SKOR2: variants seen among roughly 807,000 people sequenced by gnomAD.
SKOR2 encodes SKI family transcriptional corepressor 2, also known as LBX1 corepressor 1-like protein.
Under a neutral mutation model 69.1 loss-of-function variants are expected in SKOR2, and 47 were observed. The observed-to-expected ratio is 0.68, with a 90% CI of 0.54 to 0.87. SKOR2 has a LOEUF of 0.87. Among genes scored for constraint, SKOR2 ranks in the 40% least tolerant of loss-of-function variants. SKOR2 has a pLI of 0.00. For missense variants in SKOR2, 1,404 were observed against 1,472.2 expected (o/e 0.95, Z 0.76); for synonymous variants, 717 against 672.6 (o/e 1.07, Z -1.02).
chr18:47,231,838 C>T (rs1233112470), intron 4 of SKOR2, among the ~76,000 whole-genome samples: 2 of 112,598 alleles, frequency 1.8e-5, no homozygotes, highest in African/African-American at 6.5e-5. Flanking sequence ...AGCGAAACTC[C>T]ATCTCAAAAA....
intron 4 of SKOR2, among the ~76,000 whole-genome samples, chr18:47,236,024 AC>A (rs1205967315): frequency 6.6e-6 from 1 of 152,100 alleles, no homozygotes; most frequent in Non-Finnish European, 1.5e-5. Context: ...TCGCTCTGCC[AC>A]CCAGGCTGGA....
chr18:47,224,635 G>A (rs2064172594), intron 6 of SKOR2, among the ~76,000 whole-genome samples: 1 of 145,174 alleles, frequency 6.9e-6, no homozygotes, highest in African/African-American at 2.6e-5. Flanking sequence ...TTTTTTTTGA[G>A]ACAGGGTCTT....
chr18:47,231,174 G>C, intron 4 of SKOR2, 174 bp from the exon 5 acceptor site: 2 of 1,535,954 alleles, frequency 1.3e-6, no homozygotes, highest in East Asian at 2.4e-5. Context: ...CCTGAAACAC[G>C]GAGGGGAGGT....
chr18:47,237,361 G>C (rs1014896116), intron 4 of SKOR2, among the ~76,000 whole-genome samples: 1 of 152,146 alleles, frequency 6.6e-6, no homozygotes, highest in Non-Finnish European at 1.5e-5. Context: ...ATTAATTAGC[G>C]TATATGTCTA....
At chr18:47,230,640 T>G in intron 5 of SKOR2, 83 bp from the exon 6 acceptor site, 1 of 896,026 alleles carries the variant, frequency 1.1e-6, no homozygotes, top group Admixed American at 3.5e-5. Flanking sequence ...TTTATTATTA[T>G]AAGACAAAAT....
rs75475550 is a variant in SKOR2 at position 47,230,519 on chromosome 18, G to C, written c.2857C>G (p.Arg953Gly). Reference sequence around the variant, plus strand: ...TGGAATTCTTGTTCCAGTCGTCTCCGTAAATCTATTTGTTCAAATAAAACC... The same window carrying C: ...TGGAATTCTTGTTCCAGTCGTCTCCCTAAATCTATTTGTTCAAATAAAACC... The part of the protein sequence containing the change: ...QKVLFEQIDL[R>G]RRLEQEFQVL... The change falls in exon 6 of 9, where the codon CGG (arginine) becomes GGG (glycine). Residue 953 changes from arginine to glycine, a missense_variant. Around this residue, in one of 3 missense-constraint regions of SKOR2, gnomAD observed 1,266 missense variants for 1,309.9 expected, o/e 0.97. Transcript: ENST00000425639. The C allele has an allele frequency of 2.1e-6, 3 of 1,439,816 alleles. No homozygotes were observed. The highest frequency in any genetic ancestry group is 5.2e-5 in the East Asian group (2 of 38,110). The allele number at this position is 1,439,816 out of a possible 1,614,324, so 89.2% of individuals were successfully genotyped here. A position where few individuals can be genotyped will look rare whatever the true frequency, so the allele number is the denominator to read the frequency against.
Position 47,245,495 on chromosome 18 carries a change from T to TTTTTTTTTTTTAA in SKOR2, c.2677+2_2677+3insTTAAAAAAAAAAA. On this transcript the variant is annotated splice_region_variant and intron_variant, in intron 3 of 8. Transcript: ENST00000425639. Reference sequence around the variant, plus strand: ...GGCAGCTGATTTTTTTTTTTTTTTTTACCTGAAAAGCTGTTGTCATCCTTT... The same window carrying TTTTTTTTTTTTAA: ...GGCAGCTGATTTTTTTTTTTTTTTTTTTTTTTTTTTTAAACCTGAAAAGCTGTTGTCATCCTTT... The TTTTTTTTTTTTAA allele has an allele frequency of 2.7e-6, 4 of 1,470,334 alleles. No homozygotes were observed. The highest frequency in any genetic ancestry group is 3.6e-6 in the Non-Finnish European group (4 of 1,116,546). 91.1% of individuals were successfully genotyped at this position (1,470,334 alleles called of 1,614,324 possible).
At chr18:47,232,571 CTG>C (rs2064203772) in intron 4 of SKOR2, among the ~76,000 whole-genome samples, 1 of 152,242 alleles carries the variant, frequency 6.6e-6, no homozygotes, top group South Asian at 2.1e-4. Context: ...CATCCCTCCT[CTG>C]TGTCCCCAGA....
intron 4 of SKOR2, among the ~76,000 whole-genome samples, chr18:47,232,118 G>A (rs996820554): frequency 2.6e-5 from 4 of 151,886 alleles, no homozygotes; most frequent in African/African-American, 9.7e-5. Flanking sequence ...CAGCCTGGGT[G>A]ACCCTGTCTC....
intron 4 of SKOR2, among the ~76,000 whole-genome samples, chr18:47,232,761 C>T (rs898818663): frequency 6.6e-6 from 1 of 152,184 alleles, no homozygotes; most frequent in Non-Finnish European, 1.5e-5. Flanking sequence ...CCCAGGAGGT[C>T]GTAAATTCTA....
Position 47,247,687 on chromosome 18 carries a change from T to C in SKOR2, c.1497A>G (p.Leu499=). ...GGCGCAGCAGGGCCGGGCTTTCGCCTAGCGCGCAGCCTAGCGCCGAGGGCG... is the reference window on the plus strand; with the variant it reads ...GGCGCAGCAGGGCCGGGCTTTCGCCCAGCGCGCAGCCTAGCGCCGAGGGCG... ...PQPPSALGCA[L]GESPALLRQA... Residue 499 remains leucine, a synonymous_variant, in exon 2 of 9, where the codon CTA becomes CTG. Transcript: ENST00000425639. The surrounding 1 kb of genome is among the most constrained non-coding windows in gnomAD (Gnocchi z 6.6). 1.5e-6 allele frequency: 2 copies of C among 1,370,690 alleles called. No individual in the cohort carries two copies. Among genetic ancestry groups the C allele is most frequent in the Non-Finnish European group, 1.9e-6 (2 of 1,067,736 alleles). 84.9% of individuals were successfully genotyped at this position (1,370,690 alleles called of 1,614,324 possible). A position where few individuals can be genotyped will look rare whatever the true frequency, so the allele number is the denominator to read the frequency against.
intron 1 of SKOR2, among the ~76,000 whole-genome samples, chr18:47,250,357 T>A (rs2064306954): frequency 6.6e-6 from 1 of 152,084 alleles, no homozygotes; most frequent in Non-Finnish European, 1.5e-5. Context: ...ATTCAGTAAG[T>A]TGAAAATACA....
At chr18:47,216,496 G>A (rs1767713820) in intron 7 of SKOR2, among the ~76,000 whole-genome samples, 1 of 152,094 alleles carries the variant, frequency 6.6e-6, no homozygotes, top group African/African-American at 2.4e-5. Context: ...AAGACACAAA[G>A]AGAGTCAATC....
chr18:47,238,988 A>T lies in SKOR2; in HGVS notation c.2752+5920T>A, dbSNP rs577611128. Among the ~76,000 whole-genome samples the T allele has an allele frequency of 2.4e-4, 37 of 152,310 alleles. 2 individuals are homozygous for T. The South Asian group carries it at 7.3e-3, about 30-fold the overall frequency. ...ATGTTTAACTTCCAAATAAACTCTG[A>T]ATTTTAAAATTGATCTTAGTCTTAT... On this transcript the variant is annotated intron_variant, in intron 4 of 8. Transcript: ENST00000425639.
At position 47,247,904 on chromosome 18, in the gene SKOR2, G is replaced by T. The variant is rs2064288949; in HGVS notation, c.1280C>A (p.Ala427Glu). ...CCCCAGGGCCTCAGCGGCGGCACCC[G>T]CATCCTCTTTCTTATGGCACAAGCT... ...AFSLCHKKED[A>E]GAAAEALGGA... Residue 427 changes from alanine (A) to glutamate (E), a missense_variant, in exon 2 of 9, where the codon GCG (alanine) becomes GAG (glutamate). Ala to Glu is a moderately radical substitution (Grantham distance 107, BLOSUM62 -1). Coordinates refer to ENST00000425639, the MANE Select transcript of SKOR2 (RefSeq NM_001278063.4). The surrounding 1 kb of genome is among the most constrained non-coding windows in gnomAD (Gnocchi z 6.6). The T allele has an allele frequency of 2.2e-6, 3 of 1,363,934 alleles. No individual in the cohort carries two copies. The highest frequency in any genetic ancestry group is 7.4e-5 in the Admixed American group (2 of 27,076). The allele number at this position is 1,363,934 out of a possible 1,614,324, so 84.5% of individuals were successfully genotyped here. A position where few individuals can be genotyped will look rare whatever the true frequency, so the allele number is the denominator to read the frequency against.
chr18:47,248,394 C>A lies in SKOR2; in HGVS notation c.790G>T (p.Val264Leu), dbSNP rs1301150705. The A allele has an allele frequency of 2.2e-6, 3 of 1,346,978 alleles. No homozygotes were observed. The highest frequency in any genetic ancestry group is 2.8e-6 in the Non-Finnish European group (3 of 1,059,820). The allele number at this position is 1,346,978 out of a possible 1,614,324, so 83.4% of individuals were successfully genotyped here. Residue 264 changes from valine to leucine, a missense_variant, in exon 2 of 9, where the codon GTG becomes TTG. By Grantham distance (32) the Val-to-Leu change is conservative. Around this residue, in one of 3 missense-constraint regions of SKOR2, gnomAD observed 1,266 missense variants for 1,309.9 expected, o/e 0.97. Transcript: ENST00000425639. The surrounding 1 kb of genome is among the most constrained non-coding windows in gnomAD (Gnocchi z 6.4). ...CCGGCCACCGCGGCCGCGGCGGCCA[C>A]GGCGGCCGCCTTCACAGAGCTGAGC... ...HPLSSVKAAA[V>L]AAAAAVAGGG... is the part of the protein sequence containing the mutation.
At chr18:47,224,562 T>C (rs2064172349) in intron 6 of SKOR2, among the ~76,000 whole-genome samples, 1 of 151,896 alleles carries the variant, frequency 6.6e-6, no homozygotes, top group Non-Finnish European at 1.5e-5. Context: ...GGCTTTGGGG[T>C]TCAATTTGTT....
intron 4 of SKOR2, among the ~76,000 whole-genome samples, chr18:47,237,456 C>T (rs543369164): frequency 4.3e-4 from 66 of 152,240 alleles, no homozygotes; most frequent in South Asian, 1.2e-3. Context: ...GTGACCTGTT[C>T]CGTTGGTGGA....
chr18:47,229,341 A>G (rs2064189103), intron 6 of SKOR2, among the ~76,000 whole-genome samples: 8 of 152,148 alleles, frequency 5.3e-5, no homozygotes, highest in Admixed American at 4.6e-4. Flanking sequence ...AATTAATTTT[A>G]AATATATATA....
Sources: allele counts gnomAD v4.1 joint callset (sites outside exome capture counted in the v4.1 genomes callset), GRCh38; gene constraint gnomAD v4.1.1; regional missense constraint gnomAD v4.1.1; non-coding constraint Gnocchi (gnomAD v3.1); transcripts MANE v1.5; gene names NCBI Gene and HGNC (gene_info 2026-07-23, HGNC 2026-07-21).